TRIP11: variants seen among roughly 807,000 people sequenced by gnomAD.
TRIP11 encodes thyroid receptor-interacting protein 11.
TRIP11 carries 148 observed loss-of-function variants against 223.1 expected under a neutral mutation model. The ratio of observed to expected loss-of-function variants is 0.66; its 90% CI spans 0.58 to 0.76. TRIP11 has a LOEUF of 0.76. TRIP11 is among the 30% of genes least tolerant of loss of function. The pLI is 0.00. For synonymous variants in TRIP11, 762 were observed against 772.6 expected (o/e 0.99, Z 0.23); for missense variants, 2,043 against 2,222.0 (o/e 0.92, Z 1.62).
chr14:91,999,057 C>A (rs1283596319), intron 13 of TRIP11, among the ~76,000 whole-genome samples, 183 bp downstream of exon 13: 1 of 152,126 alleles, frequency 6.6e-6, no homozygotes, highest in Non-Finnish European at 1.5e-5. Context: ...ATGTGAAACC[C>A]CCACACACAC....
rs1566839787 is a variant in TRIP11, at chr14:91,967,838, G to A, written c.*1835C>T. 1.5e-5 allele frequency: 3 copies of A among 198,554 alleles called. No individual in the cohort carries two copies. The highest frequency in any genetic ancestry group is 3.1e-5 in the Non-Finnish European group (3 of 96,208). 12.3% of individuals were successfully genotyped at this position (198,554 alleles called of 1,614,324 possible). A position where few individuals can be genotyped will look rare whatever the true frequency, so the allele number is the denominator to read the frequency against. ...TAGTCAGTGAAAGTATCTTTGTTAG[G>A]AGCATATAAAAACCAAGGAGTAACA... is the stretch of plus-strand genomic sequence containing the variant. On this transcript the variant is annotated 3_prime_UTR_variant, in exon 21 of 21. Coordinates refer to ENST00000267622, the MANE Select transcript of TRIP11 (RefSeq NM_004239.4).
intron 1 of TRIP11, among the ~76,000 whole-genome samples, chr14:92,034,542 C>G (rs2057303388): frequency 6.6e-6 from 1 of 152,058 alleles, no homozygotes; most frequent in African/African-American, 2.4e-5. Flanking sequence ...AATAAGTGAC[C>G]TATAAACGAA....
In TRIP11 at chr14:91,995,427, C is replaced by T. The variant is rs745372561; in HGVS notation, c.4981G>A (p.Val1661Ile). Reference protein sequence around the residue: ...QRDETALQLSVSQEQVKQYAL... With the variant: ...QRDETALQLSISQEQVKQYAL... ...TACTGCTTTACTTGTTCCTGAGAGA[C>T]AGAAAGCTGCAGCGCAGTTTCATCC... The change falls in exon 14 of 21, where the codon GTC (valine) becomes ATC (isoleucine). Residue 1661 changes from valine (V) to isoleucine (I), a missense_variant. Coordinates refer to ENST00000267622, the MANE Select transcript of TRIP11 (RefSeq NM_004239.4). 3 of 1,614,114 alleles carry T rather than the reference C, an allele frequency of 1.9e-6. No individual in the cohort carries two copies. Among genetic ancestry groups the T allele is most frequent in the Non-Finnish European group, 1.7e-6 (2 of 1,180,028 alleles).
intron 17 of TRIP11, 95 bp downstream of exon 17, chr14:91,976,013 T>C: frequency 1.6e-6 from 2 of 1,231,648 alleles, no homozygotes; most frequent in South Asian, 2.7e-5. Flanking sequence ...TTTTGAAAAA[T>C]TTAATCACAT....
intron 11 of TRIP11, among the ~76,000 whole-genome samples, 183 bp downstream of exon 11, chr14:92,003,236 A>G (rs2056850663): frequency 1.3e-5 from 2 of 152,228 alleles, no homozygotes; most frequent in African/African-American, 4.8e-5. Flanking sequence ...ATATCTAACA[A>G]TTTGAGGGAG....
intron 9 of TRIP11, among the ~76,000 whole-genome samples, chr14:92,010,667 ACTCCAGAC>A (rs998755942): frequency 1.6e-4 from 24 of 151,878 alleles, no homozygotes; most frequent in African/African-American, 5.8e-4. Context: ...ACAGTATGCT[ACTCCAGAC>A]CTCCTGACCT....
In TRIP11 at chr14:91,969,511, C is replaced by T. The variant is rs1318449538; in HGVS notation, c.*162G>A. On this transcript the variant is annotated 3_prime_UTR_variant, in exon 21 of 21. Coordinates refer to ENST00000267622, the MANE Select transcript of TRIP11 (RefSeq NM_004239.4). Reference sequence around the variant, plus strand: ...AGCAAACACTTGCTCCTGACACCTGCAGTTTCTAAAAGCATTAGGAATATT... The same window carrying T: ...AGCAAACACTTGCTCCTGACACCTGTAGTTTCTAAAAGCATTAGGAATATT... 2 of 737,370 alleles carry T rather than the reference C, an allele frequency of 2.7e-6. No homozygotes were observed. Among genetic ancestry groups the T allele is most frequent in the Non-Finnish European group, 4.7e-6 (2 of 421,162 alleles). The allele number at this position is 737,370 out of a possible 1,614,324, so 45.7% of individuals were successfully genotyped here.
At chr14:92,027,973 T>C (rs2140143423) in intron 2 of TRIP11, among the ~76,000 whole-genome samples, 1 of 152,330 alleles carries the variant, frequency 6.6e-6, no homozygotes, top group East Asian at 1.9e-4. Context: ...GAAGAACTAG[T>C]AGTAAGAAAC....
intron 16 of TRIP11, among the ~76,000 whole-genome samples, chr14:91,984,308 T>C (rs2056578414): frequency 7.2e-6 from 1 of 138,130 alleles, no homozygotes; most frequent in South Asian, 2.2e-4. Flanking sequence ...CAATCATTTT[T>C]TTTCTTTTCT....
Position 92,005,897 on chromosome 14 carries a change from T to C in TRIP11, c.2079A>G (p.Leu693=). 6.2e-7 allele frequency: 1 copy of C among 1,614,032 alleles called. No homozygotes were observed. Among genetic ancestry groups the C allele is most frequent in the Non-Finnish European group, 8.5e-7 (1 of 1,180,008 alleles). Residue 693 remains leucine (L), a synonymous_variant, in exon 11 of 21, where the codon TTA becomes TTG. Transcript: ENST00000267622. ...GATTGTTACCAGCAAGACATTCTTC[T>C]AACTGATGCCTCACATCTTCACATG... The part of the protein sequence containing the change: ...VLACEDVRHQ[L]EECLAGNNQL...
At chr14:91,981,660 T>C (rs2056546961) in intron 16 of TRIP11, among the ~76,000 whole-genome samples, 1 of 152,236 alleles carries the variant, frequency 6.6e-6, no homozygotes, top group Admixed American at 6.5e-5. Context: ...CCCAAAGTGC[T>C]GGGATTACAG....
chr14:91,992,421 G>A (rs1387257252), intron 15 of TRIP11, among the ~76,000 whole-genome samples: 3 of 151,966 alleles, frequency 2.0e-5, no homozygotes, highest in Non-Finnish European at 2.9e-5. Flanking sequence ...TGCATTGTTA[G>A]TCTTATATTT....
At chr14:91,975,614 GC>G (rs2056454293) in intron 17 of TRIP11, among the ~76,000 whole-genome samples, 1 of 152,002 alleles carries the variant, frequency 6.6e-6, no homozygotes, top group Non-Finnish European at 1.5e-5. Context: ...TTCACCTGAA[GC>G]AGAAACTTAA....
rs975899713 is a variant in TRIP11 at position 92,004,006 on chromosome 14, G to A, written c.3970C>T (p.Pro1324Ser). The change falls in exon 11 of 21, where the codon CCC becomes TCC. Residue 1324 changes from proline to serine, a missense_variant. Pro to Ser is a moderately conservative substitution (Grantham distance 74). Transcript: ENST00000267622. The part of the protein sequence containing the change: ...PQLSSASLLT[P>S]QSAECLRASK... ...GCTCTAAGACACTCTGCAGACTGGG[G>A]AGTAAGCAATGATGCAGAAGACAGC... is the stretch of plus-strand genomic sequence containing the variant. The A allele has an allele frequency of 2.5e-6, 4 of 1,614,016 alleles. No individual in the cohort carries two copies. In the African/African-American group the frequency reaches 5.3e-5, roughly 22 times the overall value.
chr14:92,007,580 T>C, intron 10 of TRIP11, 60 bp downstream of exon 10: 3 of 1,547,522 alleles, frequency 1.9e-6, no homozygotes, highest in Non-Finnish European at 2.7e-6. Context: ...ACACCCACCA[T>C]TTCTGTGTTT....
At chr14:92,026,666 C>A (rs767273452) in intron 2 of TRIP11, 180 of 1,087,360 alleles carry the variant, frequency 1.7e-4, no homozygotes, top group Non-Finnish European at 8.4e-5. Flanking sequence ...AGAGACGCCC[C>A]TGCTGACGAG....
At chr14:92,021,063 C>A in intron 4 of TRIP11, among the ~76,000 whole-genome samples, 1 of 119,338 alleles carries the variant, frequency 8.4e-6, no homozygotes, top group Non-Finnish European at 1.7e-5. Flanking sequence ...GAGTAAGACT[C>A]TGTCTCAAAA....
chr14:92,001,946 G>A (rs1054000567), intron 11 of TRIP11, among the ~76,000 whole-genome samples: 2 of 152,136 alleles, frequency 1.3e-5, no homozygotes, highest in African/African-American at 2.4e-5. Context: ...AAAAAATGAA[G>A]TTTTCACAAC....
intron 17 of TRIP11, 115 bp downstream of exon 17, chr14:91,975,993 G>GA: frequency 2.1e-6 from 2 of 934,142 alleles, no homozygotes; most frequent in South Asian, 1.5e-5. Context: ...AGAGTGAGGG[G>GA]AAAAAAGGCT....
Sources: gnomAD v4.1 joint callset for allele counts (sites outside exome capture counted in the v4.1 genomes callset) on GRCh38, gnomAD v4.1.1 for gene constraint, MANE v1.5 for transcripts, NCBI Gene and HGNC (gene_info 2026-07-23, HGNC 2026-07-21) for gene names.